Variants in SZT2 observed in about 807,000 individuals in gnomAD.
SZT2 encodes SZT2 subunit of KICSTOR complex, also known as KICSTOR complex protein SZT2.
Under a neutral mutation model 404.2 loss-of-function variants are expected in SZT2, and 216 were observed. That is an observed-to-expected ratio of 0.53 (90% confidence interval 0.48 to 0.60). The LOEUF (loss-of-function observed/expected upper bound fraction) is 0.60, where lower values mean the gene tolerates loss of function less well. SZT2 is among the 20% of genes least tolerant of loss of function. The pLI, the probability that SZT2 is intolerant of heterozygous loss-of-function variation, is 0.00. For synonymous variants in SZT2, 1,693 were observed against 1,749.9 expected (o/e 0.97, Z 0.81); for missense variants, 3,857 against 4,459.2 (o/e 0.86, Z 3.85).
Position 43,451,435 on chromosome 1 carries a change from G to C in SZT2, c.*955G>C. On this transcript the variant is annotated 3_prime_UTR_variant, in exon 72 of 72. Transcript: ENST00000634258. ...CTCGAGGCTGATACTCACAGCCCAC[G>C]AAGCCTTTGTAGCCTTCATCTTCCA... 1.2e-6 allele frequency: 2 copies of C among 1,613,592 alleles called. No individual in the cohort carries two copies. The highest frequency in any genetic ancestry group is 1.7e-6 in the Non-Finnish European group (2 of 1,180,018).
intron 1 of SZT2, among the ~76,000 whole-genome samples, chr1:43,394,607 G>A (rs897736253): frequency 3.9e-5 from 6 of 152,172 alleles, no homozygotes; most frequent in African/African-American, 1.4e-4. Flanking sequence ...GGCTGGGCGC[G>A]GTGGCTCATG....
At position 43,403,182 on chromosome 1, in the gene SZT2, A is replaced by G; in HGVS notation, c.33A>G (p.Glu11=). The G allele has an allele frequency of 6.2e-7, 1 of 1,614,098 alleles. No individual in the cohort carries two copies. Among genetic ancestry groups the G allele is most frequent in the Non-Finnish European group, 8.5e-7 (1 of 1,180,004 alleles). Residue 11 remains glutamate, a synonymous_variant, in exon 2 of 72, where the codon GAA becomes GAG. Coordinates refer to ENST00000634258, the MANE Select transcript of SZT2 (RefSeq NM_001365999.1). ...TAATGTCTCTTTGTTCCCAGGTGGA[A>G]GAAGCTGGGCAGGTGTTCCTGTTAA... MASERPEPEV[E]EAGQVFLLMK...
Position 43,404,646 on chromosome 1 carries a change from G to T in SZT2, c.498+96G>T, listed in dbSNP as rs1009283713. ...CCTGTCTCTGCTGTTTGTCCCCAAA[G>T]TCCCGAGCTCTGCTGGCTTCTTGAA... is the stretch of plus-strand genomic sequence containing the variant. On this transcript the variant is annotated intron_variant, in intron 4 of 71. Coordinates refer to ENST00000634258, the MANE Select transcript of SZT2 (RefSeq NM_001365999.1). 1.0e-4 allele frequency: 140 copies of T among 1,352,590 alleles called. 1 individual carries two copies. Among genetic ancestry groups the T allele is most frequent in the Non-Finnish European group, 1.2e-4 (118 of 986,190 alleles). The allele number at this position is 1,352,590 out of a possible 1,614,324, so 83.8% of individuals were successfully genotyped here.
rs1655656571 is a variant in SZT2 at position 43,446,244 on chromosome 1, G to C, written c.8982G>C (p.Met2994Ile). 6.2e-7 allele frequency: 1 copy of C among 1,614,128 alleles called. No individual in the cohort carries two copies. The highest frequency in any genetic ancestry group is 8.5e-7 in the Non-Finnish European group (1 of 1,180,058). Residue 2994 changes from methionine to isoleucine, a missense_variant, in exon 64 of 72, where the codon ATG (methionine) becomes ATC (isoleucine). Transcript: ENST00000634258. ...CACTGCCTGGGGGCATCATCCTCAT[G>C]GAACTGGCATTCCAGGTAAGCAGGA... The part of the protein sequence containing the change: ...QRALPGGIIL[M>I]ELAFQGCYFC...
Position 43,441,521 on chromosome 1 carries a change from T to C in SZT2, c.7529T>C (p.Leu2510Pro). ...GTCTTCAGGCGCCGGACAACACAGC[T>C]AGAAGAGGGTGAGGTGGGGACCCTT... ...AQRQKRRTTQ[L>P]EEGEVGTLHP... Residue 2510 changes from leucine (L) to proline (P), a missense_variant, in exon 54 of 72, where the codon CTA (leucine) becomes CCA (proline). Leu to Pro is a moderately conservative substitution (Grantham distance 98). Coordinates refer to ENST00000634258, the MANE Select transcript of SZT2 (RefSeq NM_001365999.1). This position sits in a 1 kb window ranked among gnomAD's most constrained non-coding sequence, Gnocchi z 4.8. 1 of 1,614,024 alleles carries C rather than the reference T, an allele frequency of 6.2e-7. No homozygotes were observed. Among genetic ancestry groups the C allele is most frequent in the Non-Finnish European group, 8.5e-7 (1 of 1,179,954 alleles).
chr1:43,443,014 G>A lies in SZT2; in HGVS notation c.8347G>A (p.Val2783Met), dbSNP rs1198874942. The change falls in exon 59 of 72, where the codon GTG becomes ATG. Residue 2783 changes from valine to methionine, a missense_variant. Physicochemically the swap from Val to Met is conservative, Grantham distance 21. Around this residue, in one of 7 missense-constraint regions of SZT2, gnomAD observed 717 missense variants for 868.2 expected, o/e 0.83. Coordinates refer to ENST00000634258, the MANE Select transcript of SZT2 (RefSeq NM_001365999.1). ...AARPSSVLGPVPRPPDPVTYH... is the reference protein window; with the variant it reads ...AARPSSVLGPMPRPPDPVTYH... ...CCGCCCCAGCTCCGTACTTGGTCCT[G>A]TGCCCAGACCTCCTGATCCTGTCAC... The A allele has an allele frequency of 3.1e-6, 5 of 1,614,008 alleles. No individual in the cohort carries two copies. In the African/African-American group the frequency reaches 5.3e-5, roughly 17 times the overall value.
rs1206813087 is a variant in SZT2 at position 43,425,521 on chromosome 1, G to A, written c.2693G>A (p.Gly898Glu). Reference protein sequence around the residue: ...DNDVEVEALEGDSELNLVTEV... With the variant: ...DNDVEVEALEEDSELNLVTEV... Reference sequence around the variant, plus strand: ...GATGTGGAAGTGGAGGCCCTGGAGGGAGACTCAGAGCTCAATCTGGTCACT... The same window carrying A: ...GATGTGGAAGTGGAGGCCCTGGAGGAAGACTCAGAGCTCAATCTGGTCACT... Residue 898 changes from glycine (G) to glutamate (E), a missense_variant, in exon 19 of 72, where the codon GGA becomes GAA. By Grantham distance (98) the Gly-to-Glu change is moderately conservative. Transcript: ENST00000634258. This position sits in a 1 kb window ranked among gnomAD's most constrained non-coding sequence, Gnocchi z 4.3. 1.2e-6 allele frequency: 2 copies of A among 1,614,070 alleles called. No individual in the cohort carries two copies. The highest frequency in any genetic ancestry group is 1.3e-5 in the African/African-American group (1 of 74,922).
chr1:43,442,009 G>C lies in SZT2; in HGVS notation c.7752G>C (p.Glu2584Asp). The C allele has an allele frequency of 6.2e-7, 1 of 1,613,070 alleles. No homozygotes were observed. Among genetic ancestry groups the C allele is most frequent in the South Asian group, 1.1e-5 (1 of 90,920 alleles). Residue 2584 changes from glutamate (E) to aspartate (D), a missense_variant, in exon 56 of 72, where the codon GAG (glutamate) becomes GAC (aspartate). Physicochemically the swap from Glu to Asp is conservative, Grantham distance 45. Around this residue, in one of 7 missense-constraint regions of SZT2, gnomAD observed 573 missense variants for 592.4 expected, o/e 0.97. Coordinates refer to ENST00000634258, the MANE Select transcript of SZT2 (RefSeq NM_001365999.1). The surrounding 1 kb of genome is among the most constrained non-coding windows in gnomAD (Gnocchi z 4.5). ...TCCTCCCTTTCAATAGGGGTTCAGA[G>C]CCAGAGATCTTCGGCCCTTGTTCCC... ...VRIFEQHLGS[E>D]PEIFGPCSPG... is the part of the protein sequence containing the mutation.
chr1:43,443,922 C>A, intron 62 of SZT2, 126 bp downstream of exon 62: 2 of 1,188,642 alleles, frequency 1.7e-6, no homozygotes, highest in Non-Finnish European at 2.4e-6. Flanking sequence ...ATGTTTATCC[C>A]ACCAGGCTTG....
At chr1:43,391,629 T>C (rs1234746171) in intron 1 of SZT2, among the ~76,000 whole-genome samples, 3 of 152,116 alleles carry the variant, frequency 2.0e-5, no homozygotes, top group African/African-American at 7.2e-5. Context: ...TGAAACAGTT[T>C]AGAGGATGTT....
intron 1 of SZT2, 43 bp downstream of exon 1, chr1:43,390,038 G>A (rs1648087689): frequency 1.5e-6 from 2 of 1,375,470 alleles, no homozygotes; most frequent in African/African-American, 1.5e-5. Context: ...GAGATCCGAG[G>A]GGGAGGGTCC....
Position 43,425,301 on chromosome 1 carries a change from T to C in SZT2, c.2645+94T>C. On this transcript the variant is annotated intron_variant, in intron 18 of 71. Transcript: ENST00000634258. The surrounding 1 kb of genome is among the most constrained non-coding windows in gnomAD (Gnocchi z 4.3). Reference sequence around the variant, plus strand: ...TGGCTCCCATATCCTGAGATGATCTTGATCCCAAAGTCAGGGAGGGGGTGC... The same window carrying C: ...TGGCTCCCATATCCTGAGATGATCTCGATCCCAAAGTCAGGGAGGGGGTGC... 1 of 1,544,994 alleles carries C rather than the reference T, an allele frequency of 6.5e-7. No homozygotes were observed. The highest frequency in any genetic ancestry group is 8.9e-7 in the Non-Finnish European group (1 of 1,129,042).
chr1:43,453,526 G>C lies in SZT2; in HGVS notation c.*3046G>C. The stretch of plus-strand genomic sequence containing the variant: ...CAGAGAGAACGGGCCTCAGCCCCCG[G>C]CTCGGACACTCCCCTGCCCGCGCCC... On this transcript the variant is annotated 3_prime_UTR_variant, in exon 72 of 72. Transcript: ENST00000634258. 3 of 1,532,446 alleles carry C rather than the reference G, an allele frequency of 2.0e-6. No homozygotes were observed. The highest frequency in any genetic ancestry group is 8.8e-7 in the Non-Finnish European group (1 of 1,135,972). The allele number at this position is 1,532,446 out of a possible 1,614,324, so 94.9% of individuals were successfully genotyped here. A position where few individuals can be genotyped will look rare whatever the true frequency, so the allele number is the denominator to read the frequency against.
chr1:43,429,933 T>C lies in SZT2; in HGVS notation c.4309-78T>C. ...CTCTCCTGGGCGGGGGGTATGCATG[T>C]GTCCTGCTCTAGGGTAGGGAGTAGT... On this transcript the variant is annotated intron_variant, in intron 29 of 71. Coordinates refer to ENST00000634258, the MANE Select transcript of SZT2 (RefSeq NM_001365999.1). 4 of 1,612,268 alleles carry C rather than the reference T, an allele frequency of 2.5e-6. No individual in the cohort carries two copies. In the South Asian group the frequency reaches 4.4e-5, roughly 18 times the overall value.
chr1:43,421,841 T>C (rs1450843747), intron 11 of SZT2, among the ~76,000 whole-genome samples: 1 of 152,226 alleles, frequency 6.6e-6, no homozygotes, highest in Non-Finnish European at 1.5e-5. Context: ...GCTGGGCTTA[T>C]GGTTCCATCC....
Position 43,424,772 on chromosome 1 carries a change from A to G in SZT2, c.2472-12A>G, listed in dbSNP as rs1356130520. ...TTATCCTGGCCTTGCCCCGGCCTTT[A>G]TGGGGCTTCAGAGTCCGACTTTCTG... On this transcript the variant is annotated splice_polypyrimidine_tract_variant and intron_variant, in intron 16 of 71. Coordinates refer to ENST00000634258, the MANE Select transcript of SZT2 (RefSeq NM_001365999.1). The surrounding 1 kb of genome is among the most constrained non-coding windows in gnomAD (Gnocchi z 4.1). 2 of 1,613,202 alleles carry G rather than the reference A, an allele frequency of 1.2e-6. No homozygotes were observed. The highest frequency in any genetic ancestry group is 1.1e-5 in the South Asian group (1 of 91,040).
intron 4 of SZT2, chr1:43,406,867 T>C (rs149549992): frequency 5.3e-5 from 8 of 152,374 alleles, no homozygotes; most frequent in South Asian, 2.1e-4. Context: ...AATTAATACA[T>C]GTCAAGCACT....
At position 43,445,938 on chromosome 1, in the gene SZT2, G is replaced by T. The variant is rs371683327; in HGVS notation, c.8870G>T (p.Arg2957Leu). ...ATGGCTATCCTTGGAACAGAGGGTC[G>T]AGGCTCCTTCTCCTGCCCTAAAACC... The part of the protein sequence containing the change: ...RAMAILGTEG[R>L]GSFSCPKTKT... The change falls in exon 63 of 72, where the codon CGA becomes CTA. Residue 2957 changes from arginine (R) to leucine (L), a missense_variant. This residue lies in a region of SZT2 where 717 missense variants were observed against 868.2 expected (regional missense o/e 0.83). Coordinates refer to ENST00000634258, the MANE Select transcript of SZT2 (RefSeq NM_001365999.1). 4 of 1,614,074 alleles carry T rather than the reference G, an allele frequency of 2.5e-6. No individual in the cohort carries two copies. The highest frequency in any genetic ancestry group is 3.4e-6 in the Non-Finnish European group (4 of 1,180,042).
rs1470139205 is a variant in SZT2 at position 43,437,254 on chromosome 1, G to A, written c.6118G>A (p.Val2040Ile). 4 of 1,614,024 alleles carry A rather than the reference G, an allele frequency of 2.5e-6. No homozygotes were observed. The highest frequency in any genetic ancestry group is 1.3e-5 in the African/African-American group (1 of 75,050). Residue 2040 changes from valine to isoleucine, a missense_variant, in exon 43 of 72, where the codon GTT becomes ATT. Physicochemically the swap from Val to Ile is conservative, Grantham distance 29. Around this residue, in one of 7 missense-constraint regions of SZT2, gnomAD observed 261 missense variants for 372.9 expected, o/e 0.70. Transcript: ENST00000634258. The surrounding 1 kb of genome is among the most constrained non-coding windows in gnomAD (Gnocchi z 5.3). ...TGTCCCTGGCCATTTCTCCTGTGAC[G>A]TTGTGTGGGGAACTGTGATCCGAGT... ...QFVPGHFSCD[V>I]VWGTVIRVHS...
Sources: allele counts gnomAD v4.1 joint callset (sites outside exome capture counted in the v4.1 genomes callset), GRCh38; gene constraint gnomAD v4.1.1; regional missense constraint gnomAD v4.1.1; non-coding constraint Gnocchi (gnomAD v3.1); transcripts MANE v1.5; gene names NCBI Gene and HGNC (gene_info 2026-07-23, HGNC 2026-07-21).